The following NTN1 variants were observed in gnomAD, a reference collection of about 807,000 sequenced individuals.
NTN1 encodes the protein netrin 1.
A neutral mutation model predicts 54.2 loss-of-function variants in NTN1; 11 were observed. That is an observed-to-expected ratio of 0.20 (90% confidence interval 0.13 to 0.34). NTN1 has a LOEUF of 0.34. Among genes scored for constraint, NTN1 ranks in the 10% least tolerant of loss-of-function variants. The pLI, the probability that NTN1 is intolerant of heterozygous loss-of-function variation, is 1.00. For missense variants in NTN1, 740 were observed against 893.1 expected (o/e 0.83, Z 2.18); for synonymous variants, 371 against 382.0 (o/e 0.97, Z 0.33).
intron 2 of NTN1, among the ~76,000 whole-genome samples, chr17:9,119,348 C>G (rs533188755): frequency 2.6e-5 from 4 of 152,018 alleles, no homozygotes; most frequent in African/African-American, 4.8e-5. Flanking sequence ...CCACCACTCC[C>G]AGCTAATTTT....
chr17:9,182,264 G>A (rs2092420742), intron 4 of NTN1, among the ~76,000 whole-genome samples: 1 of 152,234 alleles, frequency 6.6e-6, no homozygotes, highest in South Asian at 2.1e-4. Context: ...GATGACAGAT[G>A]TGAGCCCCTG....
intron 2 of NTN1, among the ~76,000 whole-genome samples, chr17:9,059,348 A>C (rs1470769844): frequency 6.6e-6 from 1 of 152,230 alleles, no homozygotes; most frequent in Non-Finnish European, 1.5e-5. Flanking sequence ...ACAGGTATTC[A>C]GACAACTACT....
In NTN1 at chr17:9,243,696, C is replaced by T. The variant is rs1242973409; in HGVS notation, c.*3728C>T. On this transcript the variant is annotated 3_prime_UTR_variant, in exon 7 of 7. Transcript: ENST00000173229. ...CATTCCCTCCTCCCAAATGCACTTC[C>T]CCTCCTCCCTCTGCCCCCTCCTGTG... 6.6e-6 allele frequency: 1 copy of T among 152,214 alleles called. No homozygotes were observed. Among genetic ancestry groups the T allele is most frequent in the African/African-American group, 2.4e-5 (1 of 41,416 alleles). 9.4% of individuals were successfully genotyped at this position (152,214 alleles called of 1,614,324 possible). A position where few individuals can be genotyped will look rare whatever the true frequency, so the allele number is the denominator to read the frequency against.
intron 4 of NTN1, among the ~76,000 whole-genome samples, chr17:9,182,230 C>T (rs1179097362): frequency 1.3e-5 from 2 of 152,028 alleles, no homozygotes; most frequent in East Asian, 1.9e-4. Context: ...CCTCCCCAAA[C>T]GTGTTGGGCC....
chr17:9,153,924 G>A (rs1263485248), intron 2 of NTN1, among the ~76,000 whole-genome samples: 1 of 152,192 alleles, frequency 6.6e-6, no homozygotes, highest in Admixed American at 6.5e-5. Context: ...GAGTTGTCCA[G>A]TTCTCCTGGC....
intron 2 of NTN1, among the ~76,000 whole-genome samples, chr17:9,058,333 G>A (rs1257210571): frequency 2.6e-5 from 4 of 151,998 alleles, no homozygotes; most frequent in Admixed American, 2.0e-4. Flanking sequence ...ATGCATTTTT[G>A]TACTTACCTG....
intron 2 of NTN1, among the ~76,000 whole-genome samples, chr17:9,152,829 A>G (rs2092331399): frequency 6.6e-6 from 1 of 152,226 alleles, no homozygotes; most frequent in South Asian, 2.1e-4. Context: ...CAGAGGGGCC[A>G]AGTGGGCTTT....
rs147466675 is a variant in NTN1, at chr17:9,193,758, A to G, written c.1411+10789A>G. Among the ~76,000 whole-genome samples, 1,235 of 151,566 alleles carry G rather than the reference A, an allele frequency of 8.1e-3. 22 individuals are homozygous for G. Among genetic ancestry groups the G allele is most frequent in the African/African-American group, 0.028 (1,152 of 41,272 alleles). Reference sequence around the variant, plus strand: ...ACCAACATGGAGAAACCCCGTCTCTAGTAAAAATACAAAATTAGCTGGGCA... The same window carrying G: ...ACCAACATGGAGAAACCCCGTCTCTGGTAAAAATACAAAATTAGCTGGGCA... On this transcript the variant is annotated intron_variant, in intron 5 of 6. Transcript: ENST00000173229.
chr17:9,072,248 G>GTT (rs561199419), intron 2 of NTN1, among the ~76,000 whole-genome samples: 22 of 131,422 alleles, frequency 1.7e-4, no homozygotes, highest in African/African-American at 1.7e-4. Flanking sequence ...GTTATTTGCT[G>GTT]TTTTTTTTTT....
chr17:9,183,942 G>T (rs987087183), intron 5 of NTN1, among the ~76,000 whole-genome samples: 1 of 152,122 alleles, frequency 6.6e-6, no homozygotes, highest in Admixed American at 6.5e-5. Flanking sequence ...GGACTTTTGT[G>T]TACTGGTACT....
At chr17:9,081,189 C>T (rs1264725957) in intron 2 of NTN1, among the ~76,000 whole-genome samples, 5 of 152,144 alleles carry the variant, frequency 3.3e-5, no homozygotes, top group Admixed American at 3.3e-4. Context: ...GGACACCCAG[C>T]TGGTGTCCAT....
intron 3 of NTN1, among the ~76,000 whole-genome samples, chr17:9,178,153 C>T (rs761474846): frequency 5.3e-5 from 8 of 152,212 alleles, no homozygotes; most frequent in African/African-American, 1.2e-4. Context: ...GCCGAGATTA[C>T]GCCATTGCAC....
At chr17:9,101,917 A>G (rs1029277564) in intron 2 of NTN1, among the ~76,000 whole-genome samples, 1 of 152,232 alleles carries the variant, frequency 6.6e-6, no homozygotes, top group Admixed American at 6.5e-5. Flanking sequence ...GCTTGAGCCC[A>G]GGAGTTGGAA....
chr17:9,192,656 C>T (rs930023706), intron 5 of NTN1, among the ~76,000 whole-genome samples: 3 of 152,044 alleles, frequency 2.0e-5, no homozygotes, highest in Non-Finnish European at 4.4e-5. Flanking sequence ...TGAGAACTCC[C>T]GTTATACAGA....
intron 2 of NTN1, among the ~76,000 whole-genome samples, chr17:9,037,636 A>T (rs986301460): frequency 6.6e-6 from 1 of 152,042 alleles, no homozygotes; most frequent in Admixed American, 6.5e-5. Flanking sequence ...TTTCTCCCTC[A>T]CTGAGGACTT....
chr17:9,155,150 T>C (rs1418390702), intron 2 of NTN1, among the ~76,000 whole-genome samples: 2 of 152,168 alleles, frequency 1.3e-5, no homozygotes, highest in Non-Finnish European at 2.9e-5. Flanking sequence ...TCTTGACAGC[T>C]CTGGTCACCG....
chr17:9,170,381 G>A (rs2092384172), intron 3 of NTN1, among the ~76,000 whole-genome samples: 1 of 152,198 alleles, frequency 6.6e-6, no homozygotes, highest in African/African-American at 2.4e-5. Flanking sequence ...CACACACAAA[G>A]CAGAGACACT....
chr17:9,130,349 G>A (rs1308412196), intron 2 of NTN1, among the ~76,000 whole-genome samples: 4 of 152,094 alleles, frequency 2.6e-5, no homozygotes, highest in South Asian at 2.1e-4. Flanking sequence ...CAGGAGTCCC[G>A]TGCCTTGCTC....
chr17:9,082,194 G>T (rs2092073443), intron 2 of NTN1, among the ~76,000 whole-genome samples: 1 of 152,074 alleles, frequency 6.6e-6, no homozygotes, highest in African/African-American at 2.4e-5. Context: ...TGAGTAACTG[G>T]GATTAGAGGC....
Sources: allele counts gnomAD v4.1 joint callset (sites outside exome capture counted in the v4.1 genomes callset), GRCh38; gene constraint gnomAD v4.1.1; transcripts MANE v1.5; gene names NCBI Gene and HGNC (gene_info 2026-07-23, HGNC 2026-07-21).